RAB31: variants seen among roughly 807,000 people sequenced by gnomAD.
RAB31 encodes ras-related protein Rab-31.
In RAB31, 21 loss-of-function variants were observed where a neutral mutation model predicts 25.6. That is an observed-to-expected ratio of 0.82 (90% CI 0.58 to 1.18). The LOEUF (loss-of-function observed/expected upper bound fraction) is 1.18. RAB31 is among the 50% of genes most tolerant of loss of function. RAB31 has a pLI of 0.00. For missense variants in RAB31, 196 were observed against 250.1 expected (o/e 0.78, Z 1.46); for synonymous variants, 87 against 84.0 (o/e 1.04, Z -0.20).
At chr18:9,833,566 T>C (rs1568191517) in intron 5 of RAB31, among the ~76,000 whole-genome samples, 1 of 152,212 alleles carries the variant, frequency 6.6e-6, no homozygotes, top group African/African-American at 2.4e-5. Flanking sequence ...AAGTTGCTTA[T>C]ATTGATGTTT....
At position 9,773,464 on chromosome 18, in the gene RAB31, G is replaced by A. The variant is rs187811502; in HGVS notation, c.40-1814G>A. On this transcript the variant is annotated intron_variant, in intron 1 of 6. Coordinates refer to ENST00000578921, the MANE Select transcript of RAB31 (RefSeq NM_006868.4). The stretch of plus-strand genomic sequence containing the variant: ...GAACGCCTCCACGATCCTTCCAGTA[G>A]GAACATGTTGGCAACGGCGATCGGT... 4.1e-4 allele frequency among the ~76,000 whole-genome samples: 62 copies of A among 152,220 alleles called. 1 individual carries two copies. Among genetic ancestry groups the A allele is most frequent in the African/African-American group, 1.4e-3 (59 of 41,520 alleles).
chr18:9,777,967 A>G (rs1379029243), intron 2 of RAB31, among the ~76,000 whole-genome samples: 1 of 151,902 alleles, frequency 6.6e-6, no homozygotes, highest in Non-Finnish European at 1.5e-5. Flanking sequence ...GTTGGCCAGG[A>G]TGGTCTCAAT....
chr18:9,782,568 A>G (rs78759814), intron 2 of RAB31, among the ~76,000 whole-genome samples: 2,289 of 152,292 alleles, frequency 0.015, 64 homozygotes, highest in African/African-American at 0.052. Context: ...CAACTTTTGT[A>G]AGGAAATTGT....
chr18:9,789,341 A>G (rs2068448658), intron 2 of RAB31, among the ~76,000 whole-genome samples: 1 of 152,210 alleles, frequency 6.6e-6, no homozygotes, highest in Non-Finnish European at 1.5e-5. Flanking sequence ...AAGGCTAACA[A>G]TAATTTAGTG....
intron 3 of RAB31, among the ~76,000 whole-genome samples, chr18:9,807,794 C>T (rs1259211387): frequency 2.0e-5 from 3 of 151,870 alleles, no homozygotes; most frequent in South Asian, 2.1e-4. Context: ...GGCAACATAG[C>T]GTGAACTTGT....
At chr18:9,845,238 T>A (rs1391345591) in intron 5 of RAB31, among the ~76,000 whole-genome samples, 2 of 152,198 alleles carry the variant, frequency 1.3e-5, no homozygotes, top group East Asian at 3.8e-4. Flanking sequence ...TTTTTTAATA[T>A]TGAGTCATGT....
At position 9,730,288 on chromosome 18, in the gene RAB31, C is replaced by CTTT. The variant is rs34004989; in HGVS notation, c.39+21858_39+21860dup. Among the ~76,000 whole-genome samples, 922 of 140,932 alleles carry CTTT rather than the reference C, an allele frequency of 6.5e-3. 31 individuals carry two copies. The East Asian group carries it at 0.094, about 14-fold the overall frequency. The allele number at this position is 140,932 out of a possible 152,430, so 92.5% of individuals were successfully genotyped here. On this transcript the variant is annotated intron_variant, in intron 1 of 6. Transcript: ENST00000578921. ...CAAAGTCCTTCGAGCCTCACCTTAT[C>CTTT]TTTTTTTTTTTTTTTTGACACAGAG...
At chr18:9,854,146 A>T (rs2068803779) in intron 6 of RAB31, among the ~76,000 whole-genome samples, 2 of 151,630 alleles carry the variant, frequency 1.3e-5, no homozygotes, top group Admixed American at 1.3e-4. Context: ...ACCCCTCAAC[A>T]GGTCCTGGTG....
intron 1 of RAB31, among the ~76,000 whole-genome samples, chr18:9,725,298 G>A (rs1163976853): frequency 6.6e-6 from 1 of 152,186 alleles, no homozygotes; most frequent in Non-Finnish European, 1.5e-5. Context: ...ACCTCTTGAT[G>A]GGAGGAATAG....
At chr18:9,818,519 G>T (rs2068610465) in intron 5 of RAB31, among the ~76,000 whole-genome samples, 1 of 152,168 alleles carries the variant, frequency 6.6e-6, no homozygotes, top group South Asian at 2.1e-4. Context: ...TGTCAGTGAT[G>T]CATTCATTTT....
rs530404243 is a variant in RAB31, at chr18:9,795,395, T to A, written c.201+3160T>A. ...AAAGAAAAAGATAAATAGACTTAATTAAACTAAAAAGCTTCTGCACAGCAA... is the reference window on the plus strand; with the variant it reads ...AAAGAAAAAGATAAATAGACTTAATAAAACTAAAAAGCTTCTGCACAGCAA... On this transcript the variant is annotated intron_variant, in intron 3 of 6. Transcript: ENST00000578921. 6.6e-5 allele frequency among the ~76,000 whole-genome samples: 10 copies of A among 152,248 alleles called. No individual in the cohort carries two copies. The East Asian group carries it at 1.9e-3, about 29-fold the overall frequency.
intron 1 of RAB31, among the ~76,000 whole-genome samples, chr18:9,712,615 A>G (rs1303190600): frequency 2.0e-5 from 3 of 152,238 alleles, no homozygotes; most frequent in East Asian, 3.8e-4. Context: ...CCCAGTATGC[A>G]TTTTTAACAC....
At chr18:9,787,747 A>G (rs1366445351) in intron 2 of RAB31, 1 of 152,642 alleles carries the variant, frequency 6.6e-6, no homozygotes, top group African/African-American at 2.4e-5. Context: ...CAGAGAGTCC[A>G]TACTAAAGAA....
chr18:9,854,286 T>A (rs2068804552), intron 6 of RAB31, among the ~76,000 whole-genome samples: 1 of 152,116 alleles, frequency 6.6e-6, no homozygotes, highest in African/African-American at 2.4e-5. Flanking sequence ...GCCTAATGAT[T>A]TTAAAGTAGC....
intron 2 of RAB31, among the ~76,000 whole-genome samples, chr18:9,781,771 G>A (rs534095387): frequency 2.6e-5 from 4 of 152,310 alleles, no homozygotes; most frequent in South Asian, 4.1e-4. Flanking sequence ...TCAAACACCA[G>A]TTGCAGAAAA....
chr18:9,754,645 G>A (rs994114712), intron 1 of RAB31, among the ~76,000 whole-genome samples: 16 of 152,174 alleles, frequency 1.1e-4, no homozygotes, highest in African/African-American at 3.6e-4. Context: ...TAGCATTTAT[G>A]TTGTATAGGT....
intron 5 of RAB31, among the ~76,000 whole-genome samples, chr18:9,838,144 A>G (rs562073463): frequency 6.6e-6 from 1 of 152,338 alleles, no homozygotes; most frequent in South Asian, 2.1e-4. Context: ...TAAACACTGA[A>G]CATTGCTGTA....
chr18:9,759,878 G>T (rs1229348421), intron 1 of RAB31, among the ~76,000 whole-genome samples: 1 of 152,080 alleles, frequency 6.6e-6, no homozygotes, highest in African/African-American at 2.4e-5. Flanking sequence ...GACAGATGAT[G>T]CATGAGTTAT....
intron 2 of RAB31, among the ~76,000 whole-genome samples, chr18:9,780,514 G>A (rs574893060): frequency 1.3e-5 from 2 of 152,074 alleles, no homozygotes; most frequent in Non-Finnish European, 2.9e-5. Flanking sequence ...GTGTGTATGC[G>A]TTATTTATTC....
Sources: allele counts gnomAD v4.1 joint callset (sites outside exome capture counted in the v4.1 genomes callset), GRCh38; gene constraint gnomAD v4.1.1; transcripts MANE v1.5; gene names NCBI Gene and HGNC (gene_info 2026-07-23, HGNC 2026-07-21).